Variants in WIF1 observed in about 807,000 individuals in gnomAD.
WIF1 encodes Wnt inhibitory factor 1.
Under a neutral mutation model 53.5 loss-of-function variants are expected in WIF1, and 35 were observed. That is an observed-to-expected ratio of 0.65 (90% CI 0.50 to 0.87). The LOEUF (loss-of-function observed/expected upper bound fraction) is 0.87, where lower values mean the gene tolerates loss of function less well. Ranked by LOEUF, WIF1 falls within the 40% of genes least tolerant of loss-of-function variation. The pLI, the probability that WIF1 is intolerant of heterozygous loss-of-function variation, is 0.00. For missense variants in WIF1, 467 were observed against 476.8 expected (o/e 0.98, Z 0.19); for synonymous variants, 171 against 170.4 (o/e 1.00, Z -0.03).
chr12:65,115,428 A>G (rs1427619227), intron 2 of WIF1, among the ~76,000 whole-genome samples: 1 of 152,202 alleles, frequency 6.6e-6, no homozygotes, highest in Non-Finnish European at 1.5e-5. Context: ...TTTGTCTAAC[A>G]AAACTTCTCA....
chr12:65,062,672 T>C lies in WIF1; in HGVS notation c.731-96A>G, dbSNP rs1179538975. ...GAGGTGCTATTTTTTAGGCATCTGC[T>C]TGCTACTTGCCCATTTCCTGACTTA... On this transcript the variant is annotated intron_variant, in intron 6 of 9. Transcript: ENST00000286574. The C allele has an allele frequency of 1.5e-5, 16 of 1,066,060 alleles. No homozygotes were observed. In the Admixed American group the frequency reaches 3.8e-4, roughly 25 times the overall value. The allele number at this position is 1,066,060 out of a possible 1,614,324, so 66.0% of individuals were successfully genotyped here.
intron 3 of WIF1, among the ~76,000 whole-genome samples, chr12:65,076,626 T>C (rs1348504557): frequency 1.3e-5 from 2 of 152,170 alleles, no homozygotes; most frequent in African/African-American, 4.8e-5. Flanking sequence ...AATTACTTTC[T>C]GAATACCTGT....
At chr12:65,117,342 T>A (rs1408475027) in intron 2 of WIF1, among the ~76,000 whole-genome samples, 1 of 152,206 alleles carries the variant, frequency 6.6e-6, no homozygotes, top group Non-Finnish European at 1.5e-5. Flanking sequence ...ATTCTCCACA[T>A]ACTAAAACCA....
rs753849967 is a variant in WIF1 at position 65,051,487 on chromosome 12, A to G, written c.1019-17T>C. 1 of 1,566,470 alleles carries G rather than the reference A, an allele frequency of 6.4e-7. No individual in the cohort carries two copies. Among genetic ancestry groups the G allele is most frequent in the Non-Finnish European group, 8.6e-7 (1 of 1,158,322 alleles). ...CTTCGTACCCTGCAAAATTATTCAC[A>G]GCTTAAAAGGAAAGAAACTACAAAA... On this transcript the variant is annotated splice_polypyrimidine_tract_variant and intron_variant, in intron 9 of 9. Transcript: ENST00000286574.
In WIF1 at chr12:65,077,995, AG is replaced by A. The variant is rs1882891011; in HGVS notation, c.289-142del. 5 of 648,676 alleles carry A rather than the reference AG, an allele frequency of 7.7e-6. No homozygotes were observed. The South Asian group carries it at 9.4e-5, about 12-fold the overall frequency. The allele number at this position is 648,676 out of a possible 1,614,324, so 40.2% of individuals were successfully genotyped here. On this transcript the variant is annotated intron_variant, in intron 2 of 9. Transcript: ENST00000286574. ...GCACACAGCATCCAAGATACTGGGTAGGCACAACTCACCCTTCTGTGTTAGA... is the reference window on the plus strand; with the variant it reads ...GCACACAGCATCCAAGATACTGGGTAGCACAACTCACCCTTCTGTGTTAGA...
In WIF1 at chr12:65,063,447, A is replaced by T. The variant is rs373427112; in HGVS notation, c.731-871T>A. On this transcript the variant is annotated intron_variant, in intron 6 of 9. Coordinates refer to ENST00000286574, the MANE Select transcript of WIF1 (RefSeq NM_007191.5). ...TTTAGCAATTCCAGTTATATGACCC[A>T]TTTGTTCTTGTCCCATATAAAATTG... Among the ~76,000 whole-genome samples, 11 of 152,300 alleles carry T rather than the reference A, an allele frequency of 7.2e-5. No homozygotes were observed. In the East Asian group the frequency reaches 1.2e-3, roughly 16 times the overall value.
At chr12:65,114,383 C>A (rs1478175093) in intron 2 of WIF1, among the ~76,000 whole-genome samples, 5 of 152,102 alleles carry the variant, frequency 3.3e-5, no homozygotes, top group Non-Finnish European at 7.4e-5. Context: ...TATGTGAGTC[C>A]ATTGTCAGAG....
At chr12:65,070,163 CT>C (rs1565751296) in intron 3 of WIF1, among the ~76,000 whole-genome samples, 1 of 152,122 alleles carries the variant, frequency 6.6e-6, no homozygotes, top group African/African-American at 2.4e-5. Flanking sequence ...TCTCAATGTG[CT>C]TTTGGCAACC....
intron 7 of WIF1, 104 bp from the exon 8 acceptor site, chr12:65,056,230 T>C (rs1882523791): frequency 7.2e-5 from 74 of 1,021,580 alleles, no homozygotes; most frequent in Non-Finnish European, 9.9e-5. Flanking sequence ...TAAGTGCTTT[T>C]AAATGGCAAT....
At chr12:65,072,937 G>A (rs796821096) in intron 3 of WIF1, among the ~76,000 whole-genome samples, 1 of 152,122 alleles carries the variant, frequency 6.6e-6, no homozygotes, top group African/African-American at 2.4e-5. Flanking sequence ...AAAGCAGATC[G>A]AATATAACTC....
chr12:65,079,644 C>T (rs575975821), intron 2 of WIF1, among the ~76,000 whole-genome samples: 136 of 142,156 alleles, frequency 9.6e-4, no homozygotes, highest in African/African-American at 3.5e-3. Flanking sequence ...AAAAAAAAAG[C>T]GGAAGGAGAG....
intron 2 of WIF1, among the ~76,000 whole-genome samples, chr12:65,109,676 G>T (rs1219632365): frequency 1.3e-5 from 2 of 152,212 alleles, no homozygotes; most frequent in African/African-American, 4.8e-5. Context: ...AAAGTTGTCA[G>T]AGCAGATCTG....
intron 2 of WIF1, among the ~76,000 whole-genome samples, chr12:65,113,027 G>A (rs1883456348): frequency 6.6e-6 from 1 of 152,166 alleles, no homozygotes; most frequent in South Asian, 2.1e-4. Context: ...CTCCCAGAGG[G>A]CAGGTACTGG....
At chr12:65,076,936 T>C (rs537646971) in intron 3 of WIF1, among the ~76,000 whole-genome samples, 9 of 151,836 alleles carry the variant, frequency 5.9e-5, no homozygotes, top group African/African-American at 2.2e-4. Flanking sequence ...ATATATATTA[T>C]CACAAATATG....
At chr12:65,097,966 A>G (rs1263104734) in intron 2 of WIF1, among the ~76,000 whole-genome samples, 2 of 152,194 alleles carry the variant, frequency 1.3e-5, no homozygotes, top group African/African-American at 4.8e-5. Context: ...TTGTAATTCT[A>G]GGATTGGCAG....
chr12:65,072,965 A>T (rs556362553), intron 3 of WIF1, among the ~76,000 whole-genome samples: 114 of 152,314 alleles, frequency 7.5e-4, no homozygotes, highest in African/African-American at 2.6e-3. Context: ...TGAAGTACAG[A>T]CTGATATGCA....
chr12:65,083,521 CAT>C (rs1173736596), intron 2 of WIF1, among the ~76,000 whole-genome samples: 2 of 152,152 alleles, frequency 1.3e-5, no homozygotes, highest in African/African-American at 4.8e-5. Context: ...AGCTCATAAT[CAT>C]ATAAAATCAC....
intron 2 of WIF1, among the ~76,000 whole-genome samples, chr12:65,078,790 T>C (rs1288793677): frequency 2.6e-5 from 4 of 152,170 alleles, no homozygotes; most frequent in Admixed American, 2.6e-4. Context: ...GCTACTCAAA[T>C]GGCCATGAAT....
At chr12:65,055,037 G>C in intron 9 of WIF1, 81 bp downstream of exon 9, 1 of 1,424,170 alleles carries the variant, frequency 7.0e-7, no homozygotes, top group Non-Finnish European at 9.7e-7. Flanking sequence ...GAAGTGAAAA[G>C]GCTGGCCCTT....
Sources: allele counts gnomAD v4.1 joint callset (sites outside exome capture counted in the v4.1 genomes callset), GRCh38; gene constraint gnomAD v4.1.1; transcripts MANE v1.5; gene names NCBI Gene and HGNC (gene_info 2026-07-23, HGNC 2026-07-21).